The following RBL1 variants were observed in gnomAD, a reference collection of about 807,000 sequenced individuals.
RBL1 encodes the protein retinoblastoma-like protein 1.
A neutral mutation model predicts 123.0 loss-of-function variants in RBL1; 82 were observed. The ratio of observed to expected loss-of-function variants is 0.67; its 90% CI spans 0.56 to 0.80. RBL1 has a LOEUF of 0.80. Among genes scored for constraint, RBL1 ranks in the 30% least tolerant of loss-of-function variants. RBL1 has a pLI of 0.00. For missense variants in RBL1, 1,171 were observed against 1,299.6 expected (o/e 0.90, Z 1.52); for synonymous variants, 405 against 441.3 (o/e 0.92, Z 1.03).
At chr20:37,016,376 T>C (rs2064253807) in intron 19 of RBL1, among the ~76,000 whole-genome samples, 2 of 151,988 alleles carry the variant, frequency 1.3e-5, no homozygotes, top group African/African-American at 4.8e-5. Context: ...GGCTCCAGAA[T>C]AATACACTTA....
At chr20:37,079,203 C>CAAAAAA (rs760548490) in intron 2 of RBL1, among the ~76,000 whole-genome samples, 1 of 60,056 alleles carries the variant, frequency 1.7e-5, no homozygotes, top group Admixed American at 1.8e-4. Flanking sequence ...CTGTCTCAGC[C>CAAAAAA]AAAAAAAAAA....
At chr20:37,042,901 C>T (rs993838356) in intron 13 of RBL1, among the ~76,000 whole-genome samples, 3 of 110,102 alleles carry the variant, frequency 2.7e-5, no homozygotes, top group Non-Finnish European at 5.9e-5. Flanking sequence ...CTTGTCCCCC[C>T]CCCTCCAAAA....
intron 19 of RBL1, among the ~76,000 whole-genome samples, chr20:37,012,864 G>C (rs1180281552): frequency 1.3e-5 from 2 of 150,658 alleles, no homozygotes; most frequent in Non-Finnish European, 3.0e-5. Flanking sequence ...GCCCCTACTG[G>C]GAAGTGAGGA....
At chr20:37,049,841 T>A (rs1380997398) in intron 11 of RBL1, 2 of 408,196 alleles carry the variant, frequency 4.9e-6, no homozygotes, top group Non-Finnish European at 4.3e-6. Flanking sequence ...GGTGGGTGGA[T>A]CACCTGAGGT....
intron 2 of RBL1, among the ~76,000 whole-genome samples, chr20:37,073,553 C>T (rs1052895422): frequency 2.6e-5 from 4 of 151,086 alleles, no homozygotes; most frequent in Non-Finnish European, 4.4e-5. Context: ...TAAAAATTAG[C>T]TAGACTTGGT....
intron 1 of RBL1, among the ~76,000 whole-genome samples, chr20:37,094,398 A>G (rs1274718896): frequency 6.6e-6 from 1 of 152,206 alleles, no homozygotes; most frequent in African/African-American, 2.4e-5. Flanking sequence ...CAGTCTATCC[A>G]GTTCTGAAGA....
At chr20:37,077,353 T>C (rs548470078) in intron 2 of RBL1, among the ~76,000 whole-genome samples, 52 of 152,318 alleles carry the variant, frequency 3.4e-4, no homozygotes, top group African/African-American at 8.4e-4. Context: ...GATCTTTTTG[T>C]GAAGGTGTTT....
chr20:37,040,044 G>T, intron 14 of RBL1, 109 bp downstream of exon 14: 1 of 1,495,062 alleles, frequency 6.7e-7, no homozygotes, highest in Non-Finnish European at 9.1e-7. Flanking sequence ...GAACCCTGCT[G>T]AATAAATTAG....
chr20:37,013,723 C>G (rs1457710135), intron 19 of RBL1, among the ~76,000 whole-genome samples: 1 of 152,098 alleles, frequency 6.6e-6, no homozygotes, highest in Non-Finnish European at 1.5e-5. Context: ...CTGTGTCCAG[C>G]CCTGAATTCT....
chr20:37,024,168 C>G (rs904785837), intron 16 of RBL1, among the ~76,000 whole-genome samples: 2 of 152,078 alleles, frequency 1.3e-5, no homozygotes, highest in African/African-American at 4.8e-5. Context: ...TACCTACAAA[C>G]CGAGCTTAAA....
Position 37,066,878 on chromosome 20 carries a change from G to A in RBL1, c.692C>T (p.Pro231Leu), listed in dbSNP as rs1025545792. ...AAAGTCAGCAGTATGAAAATCAGAT[G>A]GTAAACCTAGTTTGACAGTGTAGGA... is the stretch of plus-strand genomic sequence containing the variant. ...DLLNPSFKGL[P>L]SDFHTADFTA... The change falls in exon 6 of 22, where the codon CCA becomes CTA. Residue 231 changes from proline to leucine, a missense_variant. Pro to Leu is a moderately conservative substitution (Grantham distance 98). Transcript: ENST00000373664. 12 of 1,612,990 alleles carry A rather than the reference G, an allele frequency of 7.4e-6. No homozygotes were observed. The African/African-American group carries it at 1.1e-4, about 14-fold the overall frequency.
chr20:37,069,156 C>T (rs919422165), intron 2 of RBL1, among the ~76,000 whole-genome samples: 18 of 152,270 alleles, frequency 1.2e-4, no homozygotes, highest in African/African-American at 4.3e-4. Flanking sequence ...GGTGCCCAGG[C>T]TGGAGTGCAG....
intron 1 of RBL1, among the ~76,000 whole-genome samples, chr20:37,093,952 T>C (rs537657426): frequency 6.6e-6 from 1 of 152,152 alleles, no homozygotes; most frequent in Admixed American, 6.5e-5. Flanking sequence ...CAAGACCCTG[T>C]TTCTAAGGAA....
At position 37,047,111 on chromosome 20, in the gene RBL1, G is replaced by A. The variant is rs1394691517; in HGVS notation, c.1547C>T (p.Pro516Leu). The A allele has an allele frequency of 6.2e-7, 1 of 1,605,296 alleles. No individual in the cohort carries two copies. Among genetic ancestry groups the A allele is most frequent in the Non-Finnish European group, 8.5e-7 (1 of 1,178,278 alleles). Residue 516 changes from proline (P) to leucine (L), a missense_variant, in exon 12 of 22, where the codon CCT (proline) becomes CTT (leucine). By Grantham distance (98) the Pro-to-Leu change is moderately conservative (BLOSUM62 -3). Coordinates refer to ENST00000373664, the MANE Select transcript of RBL1 (RefSeq NM_002895.5). ...LEIVLFAYSS[P>L]RTFPWIIEVL... The stretch of plus-strand genomic sequence containing the variant: ...TTCAATAATCCAAGGAAAAGTACGA[G>A]GTGAGCTATAGGCAAAGAGCACAAT...
chr20:37,041,318 T>C lies in RBL1; in HGVS notation c.1771-1033A>G, dbSNP rs138633046. Among the ~76,000 whole-genome samples the C allele has an allele frequency of 9.9e-3, 1,514 of 152,274 alleles. 25 individuals are homozygous for C. The highest frequency in any genetic ancestry group is 0.035 in the African/African-American group (1,454 of 41,550). ...GGCACACATTTTTAATTTTTATTTA[T>C]TTATTCATTTAATTTTTTTTTGAGA... On this transcript the variant is annotated intron_variant, in intron 13 of 21. Coordinates refer to ENST00000373664, the MANE Select transcript of RBL1 (RefSeq NM_002895.5).
At chr20:37,001,926 A>T (rs1429204554) in intron 21 of RBL1, among the ~76,000 whole-genome samples, 98 of 150,672 alleles carry the variant, frequency 6.5e-4, no homozygotes, top group African/African-American at 2.4e-3. Context: ...AATAAAAAAA[A>T]AAAAAAAAAA....
intron 21 of RBL1, among the ~76,000 whole-genome samples, chr20:37,000,826 C>A (rs2063962625): frequency 1.4e-5 from 2 of 139,186 alleles, no homozygotes; most frequent in East Asian, 2.2e-4. Flanking sequence ...AGGGGCGCCT[C>A]TGCCTGGCCG....
At chr20:37,048,463 C>T (rs1347666843) in intron 11 of RBL1, among the ~76,000 whole-genome samples, 1 of 152,100 alleles carries the variant, frequency 6.6e-6, no homozygotes, top group African/African-American at 2.4e-5. Context: ...ACCAAGTTTC[C>T]CTTCCTTCTT....
chr20:37,068,764 C>T (rs960011335), intron 2 of RBL1, among the ~76,000 whole-genome samples: 23 of 152,302 alleles, frequency 1.5e-4, no homozygotes, highest in Non-Finnish European at 2.4e-4. Flanking sequence ...CACCTGAGAT[C>T]GGGAGTTCAA....
Sources: gnomAD v4.1 joint callset for allele counts (sites outside exome capture counted in the v4.1 genomes callset) on GRCh38, gnomAD v4.1.1 for gene constraint, MANE v1.5 for transcripts, NCBI Gene and HGNC (gene_info 2026-07-23, HGNC 2026-07-21) for gene names.